VPS13C: variants seen among roughly 807,000 people sequenced by gnomAD.
VPS13C encodes vacuolar protein sorting 13 homolog C.
In VPS13C, 358 loss-of-function variants were observed where a neutral mutation model predicts 456.8. The observed-to-expected ratio is 0.78, with a 90% CI of 0.72 to 0.86. The LOEUF (loss-of-function observed/expected upper bound fraction) is 0.86. VPS13C is among the 40% of genes least tolerant of loss of function. VPS13C has a pLI of 0.00. For synonymous variants in VPS13C, 1,578 were observed against 1,486.7 expected (o/e 1.06, Z -1.41); for missense variants, 4,818 against 4,385.4 (o/e 1.10, Z -2.79).
intron 16 of VPS13C, among the ~76,000 whole-genome samples, chr15:61,997,802 T>A (rs918038459): frequency 4.6e-5 from 7 of 152,124 alleles, no homozygotes; most frequent in Non-Finnish European, 2.9e-5. Context: ...TCATCTCAAC[T>A]ATTTCAATAG....
Position 62,020,482 on chromosome 15 carries a change from T to A in VPS13C, c.681A>T (p.Leu227=). 6.2e-7 allele frequency: 1 copy of A among 1,609,856 alleles called. No homozygotes were observed. The highest frequency in any genetic ancestry group is 8.5e-7 in the Non-Finnish European group (1 of 1,177,818). ...SFGVTLGELS[L]LTANEHWTPC... ...TTTAAAATAAAGCAAACATTACCAGTAGACTAAGCTCTCCCAGTGTGACAC... is the reference window on the plus strand; with the variant it reads ...TTTAAAATAAAGCAAACATTACCAGAAGACTAAGCTCTCCCAGTGTGACAC... Residue 227 remains leucine, a synonymous_variant, in exon 9 of 85, where the codon CTA becomes CTT. Transcript: ENST00000644861.
At chr15:61,912,647 T>C (rs1391276042) in intron 62 of VPS13C, among the ~76,000 whole-genome samples, 3 of 152,132 alleles carry the variant, frequency 2.0e-5, no homozygotes, top group Admixed American at 2.0e-4. Flanking sequence ...CTTGTTTTTT[T>C]TTTTTTAATT....
At chr15:61,932,534 A>G (rs976610783) in intron 49 of VPS13C, among the ~76,000 whole-genome samples, 4 of 151,918 alleles carry the variant, frequency 2.6e-5, no homozygotes, top group African/African-American at 9.7e-5. Flanking sequence ...TTAAAAAAAA[A>G]AAAACCCCAG....
chr15:62,010,362 A>T (rs1464764478), intron 13 of VPS13C, 110 bp downstream of exon 13: 2 of 1,226,704 alleles, frequency 1.6e-6, no homozygotes, highest in African/African-American at 3.1e-5. Context: ...GTCAAATCTC[A>T]ACATAACAAA....
chr15:62,037,253 T>G (rs1411407663), intron 3 of VPS13C, among the ~76,000 whole-genome samples: 1 of 21,772 alleles, frequency 4.6e-5, no homozygotes, highest in African/African-American at 1.9e-4. Flanking sequence ...TATAATATAT[T>G]TATATATATT....
At chr15:62,016,832 C>T (rs1346352094) in intron 9 of VPS13C, among the ~76,000 whole-genome samples, 1 of 152,106 alleles carries the variant, frequency 6.6e-6, no homozygotes, top group Admixed American at 6.6e-5. Flanking sequence ...TTCTAGATCC[C>T]TGAGGAATCG....
At chr15:62,002,823 T>A (rs1270778134) in intron 15 of VPS13C, among the ~76,000 whole-genome samples, 1 of 152,174 alleles carries the variant, frequency 6.6e-6, no homozygotes, top group African/African-American at 2.4e-5. Flanking sequence ...AAAGATCAGA[T>A]AGTTGTAGAT....
intron 25 of VPS13C, among the ~76,000 whole-genome samples, chr15:61,974,073 T>C (rs1289275421): frequency 6.6e-6 from 1 of 152,162 alleles, no homozygotes; most frequent in Non-Finnish European, 1.5e-5. Flanking sequence ...GAAAATTTTA[T>C]ATCAATTGTT....
In VPS13C at chr15:62,041,331, G is replaced by A; in HGVS notation, c.180C>T (p.Gly60=). The A allele has an allele frequency of 6.2e-7, 1 of 1,606,584 alleles. No individual in the cohort carries two copies. Among genetic ancestry groups the A allele is most frequent in the Non-Finnish European group, 8.5e-7 (1 of 1,178,050 alleles). Residue 60 remains glycine, a synonymous_variant, in exon 3 of 85, where the codon GGC becomes GGT. Coordinates refer to ENST00000644861, the MANE Select transcript of VPS13C (RefSeq NM_020821.3). ...ELDVPFKVKA[G]QIDKLTLKIP... ...GAAGACTAAAGTACTTACCAATTTGGCCAGCCTTGACTTTAAAAGGAACAT... is the reference window on the plus strand; with the variant it reads ...GAAGACTAAAGTACTTACCAATTTGACCAGCCTTGACTTTAAAAGGAACAT...
rs149799271 is a variant in VPS13C at position 62,054,160 on chromosome 15, A to G, written c.100+6115T>C. 2.0e-4 allele frequency among the ~76,000 whole-genome samples: 30 copies of G among 152,360 alleles called. No homozygotes were observed. In the East Asian group the frequency reaches 4.8e-3, roughly 24 times the overall value. ...TTCAAATATATGTTACTCTTAAAACAATTATATCCTGGACACATCTCAATA... is the reference window on the plus strand; with the variant it reads ...TTCAAATATATGTTACTCTTAAAACGATTATATCCTGGACACATCTCAATA... On this transcript the variant is annotated intron_variant, in intron 1 of 84. Transcript: ENST00000644861.
intron 15 of VPS13C, among the ~76,000 whole-genome samples, chr15:62,005,665 C>A (rs1034353118): frequency 7.3e-5 from 11 of 150,660 alleles, no homozygotes; most frequent in Non-Finnish European, 1.2e-4. Flanking sequence ...CCGGTTGTTC[C>A]TTTCCATGTT....
At chr15:61,965,669 G>T (rs1225571124) in intron 30 of VPS13C, among the ~76,000 whole-genome samples, 2 of 151,704 alleles carry the variant, frequency 1.3e-5, no homozygotes, top group Admixed American at 6.6e-5. Flanking sequence ...AGTACATTTT[G>T]CCCCTCTTAC....
At chr15:62,059,780 C>G (rs1010576081) in intron 1 of VPS13C, among the ~76,000 whole-genome samples, 1 of 152,196 alleles carries the variant, frequency 6.6e-6, no homozygotes, top group Admixed American at 6.5e-5. Context: ...ACCCGGTAAT[C>G]CTAAAGAGAA....
chr15:61,860,475 C>T (rs188833961), intron 82 of VPS13C, among the ~76,000 whole-genome samples: 1 of 151,976 alleles, frequency 6.6e-6, no homozygotes, highest in Admixed American at 6.6e-5. Flanking sequence ...ATTAGCAATC[C>T]CCCTTTTAAA....
intron 24 of VPS13C, among the ~76,000 whole-genome samples, chr15:61,976,038 T>C (rs1183238130): frequency 6.6e-6 from 1 of 152,112 alleles, no homozygotes; most frequent in Non-Finnish European, 1.5e-5. Flanking sequence ...GGTAATTTTA[T>C]ACAAAATTTT....
intron 73 of VPS13C, 53 bp from the exon 74 acceptor site, chr15:61,878,799 T>C (rs774578460): frequency 6.7e-5 from 103 of 1,538,334 alleles, no homozygotes; most frequent in Non-Finnish European, 8.8e-5. Context: ...AAAATTTACA[T>C]ATTTAGGATC....
rs777010262 is a variant in VPS13C, at chr15:61,959,487, C to A, written c.4017G>T (p.Val1339=). 9.3e-6 allele frequency: 15 copies of A among 1,612,872 alleles called. No individual in the cohort carries two copies. The highest frequency in any genetic ancestry group is 1.2e-5 in the Non-Finnish European group (14 of 1,179,192). The change falls in exon 36 of 85, where the codon GTG becomes GTT. Residue 1339 remains valine (V), a synonymous_variant. Transcript: ENST00000644861. ...GATGTCCTTTAATTTCCACAACAGG[C>A]ACCTTGTGGTACCAAGATGCAGCTA... is the stretch of plus-strand genomic sequence containing the variant. The part of the protein sequence containing the change: ...RNLAASWYHK[V]PVVEIKGHLD...
In VPS13C at chr15:61,858,317, A is replaced by ACCAT. The variant is rs1298744718; in HGVS notation, c.10953-1909_10953-1908insATGG. On this transcript the variant is annotated intron_variant, in intron 82 of 84. Coordinates refer to ENST00000644861, the MANE Select transcript of VPS13C (RefSeq NM_020821.3). This position sits in a 1 kb window ranked among gnomAD's most constrained non-coding sequence, Gnocchi z 4.4. Reference sequence around the variant, plus strand: ...ACTCGAGATTTTTATCCAAACTCCAACTATCTATCTATCTATCTATCTATC... The same window carrying ACCAT: ...ACTCGAGATTTTTATCCAAACTCCAACCATCTATCTATCTATCTATCTATCTATC... 1.7e-3 allele frequency among the ~76,000 whole-genome samples: 251 copies of ACCAT among 147,656 alleles called. 1 individual carries two copies. Among genetic ancestry groups the ACCAT allele is most frequent in the African/African-American group, 5.8e-3 (232 of 39,846 alleles).
intron 15 of VPS13C, among the ~76,000 whole-genome samples, chr15:62,004,444 A>G (rs969847388): frequency 3.0e-4 from 46 of 151,032 alleles, no homozygotes; most frequent in Non-Finnish European, 5.0e-4. Flanking sequence ...GCAGTCTATC[A>G]ATTTTGTTGA....
Sources: gnomAD v4.1 joint callset for allele counts (sites outside exome capture counted in the v4.1 genomes callset) on GRCh38, gnomAD v4.1.1 for gene constraint, Gnocchi (gnomAD v3.1) non-coding constraint, MANE v1.5 for transcripts, NCBI Gene and HGNC (gene_info 2026-07-23, HGNC 2026-07-21) for gene names.